ARHGAP10: variants seen among roughly 807,000 people sequenced by gnomAD.
The protein encoded by ARHGAP10 is rho GTPase-activating protein 10.
ARHGAP10 carries 87 observed loss-of-function variants against 108.6 expected under a neutral mutation model. The ratio of observed to expected loss-of-function variants is 0.80; its 90% CI spans 0.67 to 0.96. The LOEUF is 0.96. Ranked by LOEUF, ARHGAP10 falls within the 40% of genes least tolerant of loss-of-function variation. The pLI, the probability that ARHGAP10 is intolerant of heterozygous loss-of-function variation, is 0.00. For synonymous variants in ARHGAP10, 347 were observed against 341.1 expected (o/e 1.02, Z -0.19); for missense variants, 939 against 954.5 (o/e 0.98, Z 0.21).
At chr4:147,787,994 G>A (rs945611383) in intron 1 of ARHGAP10, among the ~76,000 whole-genome samples, 9 of 152,046 alleles carry the variant, frequency 5.9e-5, no homozygotes, top group African/African-American at 1.4e-4. Flanking sequence ...AATAGTTCCC[G>A]GATGTGAGAA....
chr4:147,824,152 T>G (rs1334721102), intron 3 of ARHGAP10, among the ~76,000 whole-genome samples: 6 of 151,988 alleles, frequency 3.9e-5, no homozygotes, highest in Admixed American at 6.6e-5. Flanking sequence ...AAACCCCATC[T>G]CTACTAAAAA....
intron 18 of ARHGAP10, among the ~76,000 whole-genome samples, chr4:147,994,778 G>A (rs933337951): frequency 1.3e-5 from 2 of 152,192 alleles, no homozygotes; most frequent in Non-Finnish European, 2.9e-5. Flanking sequence ...CCTAGGAAAG[G>A]CTTCAAATAC....
At chr4:147,832,646 C>CAAAAAGAA (rs1733000187) in intron 3 of ARHGAP10, among the ~76,000 whole-genome samples, 1 of 63,518 alleles carries the variant, frequency 1.6e-5, no homozygotes, top group African/African-American at 5.7e-5. Context: ...GACTCTGTCT[C>CAAAAAGAA]AAAAAAAAAA....
chr4:147,761,384 T>A (rs979309070), intron 1 of ARHGAP10, among the ~76,000 whole-genome samples: 3 of 152,348 alleles, frequency 2.0e-5, no homozygotes, highest in African/African-American at 7.2e-5. Context: ...CTCCTTTTAG[T>A]AGTAATCGCT....
chr4:148,023,427 G>A lies in ARHGAP10; in HGVS notation c.1867+14G>A, dbSNP rs962794338. On this transcript the variant is annotated intron_variant, in intron 19 of 22. Transcript: ENST00000336498. ...AGCTGGAAGATGGTAAGATGTTAAT[G>A]ATATTTTTTGCTTGATAGCATGTTG... 2 of 1,607,882 alleles carry A rather than the reference G, an allele frequency of 1.2e-6. No homozygotes were observed. The highest frequency in any genetic ancestry group is 1.3e-5 in the African/African-American group (1 of 74,914).
chr4:147,958,871 A>G (rs1738884760), intron 16 of ARHGAP10, among the ~76,000 whole-genome samples: 2 of 152,230 alleles, frequency 1.3e-5, no homozygotes. Flanking sequence ...GCACAGCATC[A>G]TAAGCAGATG....
chr4:148,048,318 G>A (rs1000768033), intron 20 of ARHGAP10, among the ~76,000 whole-genome samples: 2 of 152,222 alleles, frequency 1.3e-5, no homozygotes, highest in Non-Finnish European at 2.9e-5. Flanking sequence ...AGTATTAAGA[G>A]AGGCTGGGAG....
At chr4:147,972,207 C>G (rs189445894) in intron 18 of ARHGAP10, among the ~76,000 whole-genome samples, 4 of 151,872 alleles carry the variant, frequency 2.6e-5, no homozygotes, top group Non-Finnish European at 4.4e-5. Flanking sequence ...ATGAGATTGG[C>G]GTAAGAAAAT....
At chr4:147,969,298 T>G (rs1458643455) in intron 18 of ARHGAP10, among the ~76,000 whole-genome samples, 1 of 151,782 alleles carries the variant, frequency 6.6e-6, no homozygotes, top group African/African-American at 2.4e-5. Context: ...GCAGCTTGTT[T>G]ATGGATGTGA....
At chr4:147,751,103 C>T (rs1024421780) in intron 1 of ARHGAP10, among the ~76,000 whole-genome samples, 22 of 151,614 alleles carry the variant, frequency 1.5e-4, no homozygotes, top group South Asian at 4.2e-4. Context: ...CTCTTGAACC[C>T]GGAAGGCAGA....
chr4:147,819,475 A>G (rs150176177), intron 1 of ARHGAP10, among the ~76,000 whole-genome samples: 17 of 152,184 alleles, frequency 1.1e-4, no homozygotes, highest in Non-Finnish European at 2.4e-4. Flanking sequence ...CAGTATTTGG[A>G]AATAGGTACA....
chr4:147,733,499 C>T (rs953139744), intron 1 of ARHGAP10, among the ~76,000 whole-genome samples: 1 of 152,088 alleles, frequency 6.6e-6, no homozygotes, highest in African/African-American at 2.4e-5. Flanking sequence ...TTCTTAGGGC[C>T]TTCATCACTC....
intron 10 of ARHGAP10, among the ~76,000 whole-genome samples, chr4:147,901,736 T>C (rs1410493573): frequency 1.3e-5 from 2 of 152,250 alleles, no homozygotes; most frequent in Non-Finnish European, 2.9e-5. Flanking sequence ...CATAACTCTT[T>C]AAGCCCTTCA....
At chr4:148,062,738 A>C (rs2149690082) in intron 20 of ARHGAP10, among the ~76,000 whole-genome samples, 1 of 152,068 alleles carries the variant, frequency 6.6e-6, no homozygotes, top group Non-Finnish European at 1.5e-5. Context: ...AAGATCTTTA[A>C]ATGTTTAGCT....
chr4:147,736,595 C>G (rs1348956544), intron 1 of ARHGAP10, among the ~76,000 whole-genome samples: 1 of 152,148 alleles, frequency 6.6e-6, no homozygotes, highest in Non-Finnish European at 1.5e-5. Context: ...CTGGTTCAGC[C>G]AACATTCCTT....
Position 147,849,806 on chromosome 4 carries a change from A to T in ARHGAP10, c.384+2584A>T, listed in dbSNP as rs1028426314. On this transcript the variant is annotated intron_variant, in intron 4 of 22. Coordinates refer to ENST00000336498, the MANE Select transcript of ARHGAP10 (RefSeq NM_024605.4). ...TCTACTGTTTTGCTTATATTTGGAT[A>T]TGCTCTCCTTGAGCCCTATCTGTTT... Among the ~76,000 whole-genome samples, 8 of 152,252 alleles carry T rather than the reference A, an allele frequency of 5.3e-5. No homozygotes were observed. In the South Asian group the frequency reaches 8.3e-4, roughly 16 times the overall value.
At chr4:147,766,318 A>G (rs1199465906) in intron 1 of ARHGAP10, among the ~76,000 whole-genome samples, 1 of 151,414 alleles carries the variant, frequency 6.6e-6, no homozygotes, top group Non-Finnish European at 1.5e-5. Flanking sequence ...GTATTTGCAT[A>G]TAACCCACCC....
intron 5 of ARHGAP10, chr4:147,863,772 A>T (rs1292418573): frequency 6.6e-6 from 1 of 152,226 alleles, no homozygotes; most frequent in African/African-American, 2.4e-5. Flanking sequence ...AGAAATGTTC[A>T]TGTTAGCTTA....
At chr4:147,823,279 C>G (rs747829021) in intron 3 of ARHGAP10, among the ~76,000 whole-genome samples, 1 of 152,132 alleles carries the variant, frequency 6.6e-6, no homozygotes. Context: ...CATGCAGAAG[C>G]TTAATATATC....
Sources: allele counts gnomAD v4.1 joint callset (sites outside exome capture counted in the v4.1 genomes callset), GRCh38; gene constraint gnomAD v4.1.1; transcripts MANE v1.5; gene names NCBI Gene and HGNC (gene_info 2026-07-23, HGNC 2026-07-21).